Variants in MIX23 observed in about 807,000 individuals in gnomAD.
The protein encoded by MIX23 is mitochondrial matrix import factor 23, also known as protein MIX23.
In MIX23, 13 loss-of-function variants were observed where a neutral mutation model predicts 21.6. The ratio of observed to expected loss-of-function variants is 0.60; its 90% CI spans 0.39 to 0.96. The LOEUF (loss-of-function observed/expected upper bound fraction) is 0.96. MIX23 is among the 40% of genes least tolerant of loss of function. The pLI, the probability that MIX23 is intolerant of heterozygous loss-of-function variation, is 0.00. For synonymous variants in MIX23, 59 were observed against 58.0 expected (o/e 1.02, Z -0.08); for missense variants, 144 against 171.2 (o/e 0.84, Z 0.89).
intron 3 of MIX23, chr3:122,366,549 T>C (rs1198360983): frequency 6.6e-6 from 1 of 152,172 alleles, no homozygotes; most frequent in Non-Finnish European, 1.5e-5. Context: ...TTCAGCTACA[T>C]CTACTAAACA....
At chr3:122,372,515 G>A (rs1024114482) in intron 1 of MIX23, among the ~76,000 whole-genome samples, 1 of 151,890 alleles carries the variant, frequency 6.6e-6, no homozygotes, top group African/African-American at 2.4e-5. Flanking sequence ...ACAAAACACA[G>A]CCACTTAAAA....
chr3:122,378,061 C>T (rs1284039201), intron 1 of MIX23, among the ~76,000 whole-genome samples: 1 of 152,120 alleles, frequency 6.6e-6, no homozygotes, highest in African/African-American at 2.4e-5. Flanking sequence ...CTGAGACCCA[C>T]AGGGAACCAA....
At chr3:122,369,286 G>A (rs748939895) in intron 2 of MIX23, among the ~76,000 whole-genome samples, 3 of 152,180 alleles carry the variant, frequency 2.0e-5, no homozygotes, top group Non-Finnish European at 4.4e-5. Flanking sequence ...GTATACTTTT[G>A]AGATTTGAAA....
chr3:122,379,879 T>C (rs2075517140), intron 1 of MIX23, among the ~76,000 whole-genome samples: 1 of 152,202 alleles, frequency 6.6e-6, no homozygotes, highest in Non-Finnish European at 1.5e-5. Context: ...GAACCTCTCA[T>C]TGTAGGCTGA....
At chr3:122,364,592 A>G (rs1190991439) in intron 3 of MIX23, among the ~76,000 whole-genome samples, 1 of 152,218 alleles carries the variant, frequency 6.6e-6, no homozygotes, top group Non-Finnish European at 1.5e-5. Context: ...GAATTTCACA[A>G]TATGAAAATC....
At chr3:122,363,067 A>C in intron 3 of MIX23, 40 bp from the exon 4 acceptor site, 1 of 1,544,428 alleles carries the variant, frequency 6.5e-7, no homozygotes, top group African/African-American at 1.4e-5. Flanking sequence ...AAATTTAAAG[A>C]GCAAGAAAAA....
At chr3:122,362,639 G>A (rs187173690) in intron 4 of MIX23, among the ~76,000 whole-genome samples, 6 of 151,908 alleles carry the variant, frequency 3.9e-5, no homozygotes, top group Non-Finnish European at 4.4e-5. Flanking sequence ...ATGCCACCAC[G>A]CTAATTTTTG....
rs376378963 is a variant in MIX23, at chr3:122,372,688, C to T, written c.52-888G>A. Among the ~76,000 whole-genome samples, 16 of 151,820 alleles carry T rather than the reference C, an allele frequency of 1.1e-4. No individual in the cohort carries two copies. In the East Asian group the frequency reaches 1.2e-3, roughly 11 times the overall value. ...AAAAAAAAAATTTTTTTTAATTAGCCGGACATGGTGACTCATGCCTACAAT... is the reference window on the plus strand; with the variant it reads ...AAAAAAAAAATTTTTTTTAATTAGCTGGACATGGTGACTCATGCCTACAAT... On this transcript the variant is annotated intron_variant, in intron 1 of 4. Transcript: ENST00000291458.
intron 1 of MIX23, among the ~76,000 whole-genome samples, chr3:122,380,003 T>C (rs909078590): frequency 2.6e-5 from 4 of 152,348 alleles, no homozygotes; most frequent in Non-Finnish European, 5.9e-5. Context: ...GGAGTGCCTA[T>C]ATTTAGTAGT....
intron 1 of MIX23, chr3:122,373,132 C>T (rs902526428): frequency 1.2e-5 from 4 of 323,574 alleles, no homozygotes; most frequent in African/African-American, 6.5e-5. Flanking sequence ...CCATTATCAA[C>T]ATTTTAATAT....
intron 3 of MIX23, among the ~76,000 whole-genome samples, chr3:122,367,364 A>T (rs2075404302): frequency 6.6e-6 from 1 of 152,250 alleles, no homozygotes; most frequent in Non-Finnish European, 1.5e-5. Context: ...TAAATCCCAC[A>T]TAATAAAATA....
chr3:122,382,025 C>A (rs1402124949), intron 1 of MIX23, among the ~76,000 whole-genome samples: 1 of 152,182 alleles, frequency 6.6e-6, no homozygotes, highest in Non-Finnish European at 1.5e-5. Flanking sequence ...TTTGTTATGG[C>A]AGCCCTAGCG....
Position 122,368,247 on chromosome 3 carries a change from G to A in MIX23, c.253C>T (p.Leu85Phe). 1.2e-6 allele frequency: 2 copies of A among 1,609,808 alleles called. No individual in the cohort carries two copies. The highest frequency in any genetic ancestry group is 1.7e-6 in the Non-Finnish European group (2 of 1,179,286). Reference protein sequence around the residue: ...IAQTSAVVKNLREEREKNLDD... With the variant: ...IAQTSAVVKNFREEREKNLDD... ...AAATTCTTTTCTCTCTCTTCTCGGAGGTTTTTTACTACTGCTGAAGTCTGG... is the reference window on the plus strand; with the variant it reads ...AAATTCTTTTCTCTCTCTTCTCGGAAGTTTTTTACTACTGCTGAAGTCTGG... The change falls in exon 3 of 5, where the codon CTC becomes TTC. Residue 85 changes from leucine to phenylalanine, a missense_variant. Transcript: ENST00000291458.
At chr3:122,377,038 G>A (rs568319618) in intron 1 of MIX23, among the ~76,000 whole-genome samples, 31 of 152,166 alleles carry the variant, frequency 2.0e-4, no homozygotes, top group South Asian at 6.2e-4. Flanking sequence ...AAAATTAGCC[G>A]CGCATGGTGG....
chr3:122,362,017 TA>T (rs1392832482), intron 4 of MIX23, among the ~76,000 whole-genome samples: 4 of 152,246 alleles, frequency 2.6e-5, no homozygotes, highest in Admixed American at 2.6e-4. Context: ...TTGCCCTTCG[TA>T]AATCTTTTAG....
intron 3 of MIX23, chr3:122,366,548 A>G (rs879632185): frequency 3.3e-5 from 5 of 152,230 alleles, no homozygotes; most frequent in Non-Finnish European, 4.4e-5. Context: ...GTTCAGCTAC[A>G]TCTACTAAAC....
intron 1 of MIX23, among the ~76,000 whole-genome samples, chr3:122,381,474 C>T (rs951514265): frequency 2.6e-5 from 4 of 152,158 alleles, no homozygotes; most frequent in Non-Finnish European, 5.9e-5. Context: ...GCCTGTAATC[C>T]CAGCATTTCG....
chr3:122,368,125 G>C (rs1345327145), intron 3 of MIX23, 51 bp downstream of exon 3: 2 of 1,570,628 alleles, frequency 1.3e-6, no homozygotes, highest in East Asian at 4.5e-5. Flanking sequence ...TACTTTGAAG[G>C]CTACAATTGG....
chr3:122,363,090 T>C, intron 3 of MIX23, 63 bp from the exon 4 acceptor site: 1 of 1,407,064 alleles, frequency 7.1e-7, no homozygotes, highest in East Asian at 2.3e-5. Context: ...ACTGAAGTTA[T>C]AAAATTTAAA....
Sources: gnomAD v4.1 joint callset for allele counts (sites outside exome capture counted in the v4.1 genomes callset) on GRCh38, gnomAD v4.1.1 for gene constraint, MANE v1.5 for transcripts, NCBI Gene and HGNC (gene_info 2026-07-23, HGNC 2026-07-21) for gene names.